The following METTL8 variants were observed in gnomAD, a reference collection of about 807,000 sequenced individuals.
METTL8 encodes tRNA N(3)-cytidine methyltransferase METTL8, mitochondrial.
In METTL8, 32 loss-of-function variants were observed where a neutral mutation model predicts 48.7. The observed-to-expected ratio is 0.66, with a 90% CI of 0.50 to 0.88. METTL8 has a LOEUF of 0.88. Among genes scored for constraint, METTL8 ranks in the 40% least tolerant of loss-of-function variants. METTL8 has a pLI of 0.00. For missense variants in METTL8, 464 were observed against 474.4 expected, an observed-to-expected ratio of 0.98 and a Z score of 0.20; for synonymous variants, 136 against 157.1, an observed-to-expected ratio of 0.87 and a Z score of 1.01.
Position 171,324,281 on chromosome 2 carries a change from T to C in METTL8, c.1115A>G (p.Lys372Arg). The change falls in exon 10 of 10, where the codon AAA becomes AGA. Residue 372 changes from lysine (K) to arginine (R), a missense_variant. Transcript: ENST00000375258. ...CACTCGGTGCATTTTCACTTGTTTT[T>C]TCCTATTAACTTGTAAGCGGCGATC... Reference protein sequence around the residue: ...LVDRRLQVNRKKQVKMHRVWI... With the variant: ...LVDRRLQVNRRKQVKMHRVWI... 2.6e-6 allele frequency: 4 copies of C among 1,551,700 alleles called. No homozygotes were observed. The highest frequency in any genetic ancestry group is 2.4e-5 in the East Asian group (1 of 40,912).
intron 2 of METTL8, among the ~76,000 whole-genome samples, chr2:171,368,896 T>C (rs1222619041): frequency 6.6e-6 from 1 of 151,860 alleles, no homozygotes; most frequent in Non-Finnish European, 1.5e-5. Flanking sequence ...TATGGCAGAA[T>C]ATAAAAAGTT....
intron 1 of METTL8, among the ~76,000 whole-genome samples, chr2:171,416,476 C>A (rs949290335): frequency 1.3e-5 from 2 of 152,220 alleles, no homozygotes; most frequent in African/African-American, 4.8e-5. Flanking sequence ...AACTAAAGTG[C>A]TGTGAGAAAA....
chr2:171,371,737 T>C (rs1686364711), intron 2 of METTL8, among the ~76,000 whole-genome samples: 1 of 152,052 alleles, frequency 6.6e-6, no homozygotes, highest in Non-Finnish European at 1.5e-5. Flanking sequence ...GTTCAAGCAA[T>C]CTTTCGGCCT....
chr2:171,423,576 A>G (rs187454199), intron 1 of METTL8, among the ~76,000 whole-genome samples: 4 of 152,260 alleles, frequency 2.6e-5, no homozygotes, highest in Admixed American at 2.6e-4. Context: ...GAGATGAAGA[A>G]CTTGTTGGGA....
At chr2:171,369,779 T>C (rs1340844118) in intron 2 of METTL8, among the ~76,000 whole-genome samples, 1 of 152,036 alleles carries the variant, frequency 6.6e-6, no homozygotes, top group Admixed American at 6.6e-5. Context: ...AAAAAATTAT[T>C]CAATTAGGCT....
intron 8 of METTL8, 29 bp downstream of exon 8, chr2:171,326,013 A>G: frequency 2.1e-6 from 3 of 1,400,686 alleles, no homozygotes; most frequent in Non-Finnish European, 3.0e-6. Context: ...GAACATTTAA[A>G]AATAACCTCA....
chr2:171,410,544 C>T (rs1265579292), intron 1 of METTL8, among the ~76,000 whole-genome samples: 1 of 152,196 alleles, frequency 6.6e-6, no homozygotes, highest in Admixed American at 6.5e-5. Context: ...TAAACCTGTA[C>T]CTCAAAATAA....
intron 1 of METTL8, among the ~76,000 whole-genome samples, chr2:171,393,239 A>C (rs1688747567): frequency 6.6e-6 from 1 of 151,980 alleles, no homozygotes; most frequent in Non-Finnish European, 1.5e-5. Context: ...TGGGCAACAT[A>C]GTGAGACCGT....
At chr2:171,432,818 A>C (rs1028321348) in intron 1 of METTL8, among the ~76,000 whole-genome samples, 3 of 152,344 alleles carry the variant, frequency 2.0e-5, no homozygotes, top group Non-Finnish European at 4.4e-5. Flanking sequence ...ACTGACTGTA[A>C]GCAAAATGAC....
At chr2:171,364,089 A>C (rs551707460) in intron 2 of METTL8, among the ~76,000 whole-genome samples, 1 of 152,148 alleles carries the variant, frequency 6.6e-6, no homozygotes, top group Admixed American at 6.5e-5. Context: ...CTAGGATTAC[A>C]AGCGCGAGCC....
intron 1 of METTL8, among the ~76,000 whole-genome samples, 199 bp from the exon 2 acceptor site, chr2:171,392,396 G>A (rs1306468957): frequency 2.0e-5 from 3 of 152,106 alleles, no homozygotes; most frequent in South Asian, 2.1e-4. Context: ...ATTTAGGGTG[G>A]GCAACACTGG....
chr2:171,357,308 T>C (rs1048738682), intron 3 of METTL8, among the ~76,000 whole-genome samples: 2 of 152,132 alleles, frequency 1.3e-5, no homozygotes, highest in Non-Finnish European at 2.9e-5. Flanking sequence ...ACCAAAAAAC[T>C]GTTAGAACTG....
At position 171,366,882 on chromosome 2, in the gene METTL8, C is replaced by T. The variant is rs1397234087; in HGVS notation, c.144-6369G>A. 6.5e-5 allele frequency among the ~76,000 whole-genome samples: 9 copies of T among 138,834 alleles called. 1 individual carries two copies. Among genetic ancestry groups the T allele is most frequent in the African/African-American group, 2.5e-4 (9 of 36,682 alleles). The allele number at this position is 138,834 out of a possible 152,430, so 91.1% of individuals were successfully genotyped here. ...CCAGCCTGGGTGACAGAGTGAGACC[C>T]TGTCTCAAAAAAAAAAAAAAAAAAA... On this transcript the variant is annotated intron_variant, in intron 2 of 9. Coordinates refer to ENST00000375258, the MANE Select transcript of METTL8 (RefSeq NM_001321154.2).
chr2:171,357,677 A>C (rs887483245), intron 3 of METTL8, among the ~76,000 whole-genome samples: 14 of 151,982 alleles, frequency 9.2e-5, no homozygotes, highest in Non-Finnish European at 2.1e-4. Flanking sequence ...AATAGAGCAC[A>C]AAATCCTGAA....
intron 1 of METTL8, among the ~76,000 whole-genome samples, chr2:171,418,046 C>T (rs1432142035): frequency 1.3e-5 from 2 of 152,114 alleles, no homozygotes; most frequent in Non-Finnish European, 2.9e-5. Flanking sequence ...TGGGTTCACG[C>T]CTTTCTCCTG....
intron 2 of METTL8, among the ~76,000 whole-genome samples, chr2:171,391,664 A>C (rs1213969831): frequency 6.6e-6 from 1 of 152,202 alleles, no homozygotes; most frequent in Non-Finnish European, 1.5e-5. Context: ...AGACACAGGT[A>C]CTGATCTGCA....
intron 2 of METTL8, among the ~76,000 whole-genome samples, chr2:171,381,708 C>T (rs187993490): frequency 6.6e-5 from 10 of 151,600 alleles, no homozygotes; most frequent in South Asian, 2.1e-4. Flanking sequence ...GATATCATCT[C>T]ACGAGAGTCG....
rs1684461164 is a variant in METTL8 at position 171,320,245 on chromosome 2, G to C, written c.*3927C>G. 1 of 151,918 alleles carries C rather than the reference G, an allele frequency of 6.6e-6. No individual in the cohort carries two copies. Among genetic ancestry groups the C allele is most frequent in the South Asian group, 2.1e-4 (1 of 4,786 alleles). The allele number at this position is 151,918 out of a possible 1,614,324, so 9.4% of individuals were successfully genotyped here. On this transcript the variant is annotated 3_prime_UTR_variant, in exon 10 of 10. Transcript: ENST00000375258. The stretch of plus-strand genomic sequence containing the variant: ...CTGACCAGGCAAGCAGAAGACACTG[G>C]TGGAAATGGCCCTGCTGCGCAGCCA...
chr2:171,416,042 ACCT>A (rs1046898209), intron 1 of METTL8, among the ~76,000 whole-genome samples: 4 of 152,096 alleles, frequency 2.6e-5, no homozygotes, highest in African/African-American at 9.7e-5. Flanking sequence ...TTATCTAGAA[ACCT>A]CCTATTCATC....
Sources: gnomAD v4.1 joint callset for allele counts (sites outside exome capture counted in the v4.1 genomes callset) on GRCh38, gnomAD v4.1.1 for gene constraint, MANE v1.5 for transcripts, NCBI Gene and HGNC (gene_info 2026-07-23, HGNC 2026-07-21) for gene names.